The following PXK variants were observed in gnomAD, a reference collection of about 807,000 sequenced individuals.
The protein encoded by PXK is PX domain-containing protein kinase-like protein.
In PXK, 35 loss-of-function variants were observed where a neutral mutation model predicts 84.7. The ratio of observed to expected loss-of-function variants is 0.41; its 90% confidence interval spans 0.32 to 0.55. PXK has a LOEUF of 0.55. Among genes scored for constraint, PXK ranks in the 20% least tolerant of loss-of-function variants. PXK has a pLI of 0.21. For missense variants in PXK, 634 were observed against 699.7 expected (o/e 0.91, Z 1.06); for synonymous variants, 253 against 260.8 (o/e 0.97, Z 0.29).
rs1051397453 is a variant in PXK at position 58,333,670 on chromosome 3, C to T, written c.102+580C>T. 1 of 456,388 alleles carries T rather than the reference C, an allele frequency of 2.2e-6. No homozygotes were observed. The highest frequency in any genetic ancestry group is 1.5e-5 in the South Asian group (1 of 64,536). 28.3% of individuals were successfully genotyped at this position (456,388 alleles called of 1,614,324 possible). On this transcript the variant is annotated intron_variant, in intron 1 of 17. Coordinates refer to ENST00000356151, the MANE Select transcript of PXK (RefSeq NM_017771.5). The surrounding 1 kb of genome is among the most constrained non-coding windows in gnomAD (Gnocchi z 5.4). ...CCCGGGAAGTGGTGGGGGCGGCAGT[C>T]GGGGCGCTGTTAAGCAGGTGTATGA... is the stretch of plus-strand genomic sequence containing the variant.
intron 1 of PXK, among the ~76,000 whole-genome samples, chr3:58,336,063 ATATATATATTTTT>A (rs1396290183): frequency 3.3e-4 from 19 of 58,106 alleles, no homozygotes; most frequent in African/African-American, 2.0e-3. Context: ...ATATATATAT[ATATATATATTTTT>A]TTTTTTTTTT....
chr3:58,399,668 G>A lies in PXK; in HGVS notation c.1181+291G>A, dbSNP rs927658135. Among the ~76,000 whole-genome samples, 47 of 152,168 alleles carry A rather than the reference G, an allele frequency of 3.1e-4. No homozygotes were observed. The highest frequency in any genetic ancestry group is 1.1e-3 in the African/African-American group (47 of 41,516). On this transcript the variant is annotated intron_variant, in intron 12 of 17. Coordinates refer to ENST00000356151, the MANE Select transcript of PXK (RefSeq NM_017771.5). This position sits in a 1 kb window ranked among gnomAD's most constrained non-coding sequence, Gnocchi z 4.3. ...TTAGCATTGGGTGTGCGTATGTGTC[G>A]CAGCCCCCAGCTTAGGAAATACTGA...
At chr3:58,359,883 C>T (rs935511694) in intron 1 of PXK, among the ~76,000 whole-genome samples, 6 of 152,190 alleles carry the variant, frequency 3.9e-5, no homozygotes, top group Non-Finnish European at 5.9e-5. Flanking sequence ...CATGGTAGCT[C>T]ATGCCTATAA....
chr3:58,416,206 A>G lies in PXK; in HGVS notation c.1528+3243A>G, dbSNP rs962586625. ...TGTTAAGATCTTATCTTTAGTTTCT[A>G]TAGGGCAAGGGAACTTCTCTGGAGC... On this transcript the variant is annotated intron_variant, in intron 17 of 17. Coordinates refer to ENST00000356151, the MANE Select transcript of PXK (RefSeq NM_017771.5). This position sits in a 1 kb window ranked among gnomAD's most constrained non-coding sequence, Gnocchi z 4.8. Among the ~76,000 whole-genome samples the G allele has an allele frequency of 5.3e-5, 8 of 152,240 alleles. No homozygotes were observed. Among genetic ancestry groups the G allele is most frequent in the African/African-American group, 1.4e-4 (6 of 41,470 alleles).
At position 58,394,038 on chromosome 3, in the gene PXK, T is replaced by C. The variant is rs189689261; in HGVS notation, c.616-960T>C. Among the ~76,000 whole-genome samples, 16 of 152,332 alleles carry C rather than the reference T, an allele frequency of 1.1e-4. 1 individual carries two copies. The highest frequency in any genetic ancestry group is 3.8e-4 in the African/African-American group (16 of 41,574). On this transcript the variant is annotated intron_variant, in intron 7 of 17. Transcript: ENST00000356151. ...GACTTGTACAGTTTAAATGTGTGAA[T>C]AGTAATGGCATGTGAATTATATCTC...
Position 58,341,240 on chromosome 3 carries a change from G to A in PXK, c.102+8150G>A, listed in dbSNP as rs79010204. Among the ~76,000 whole-genome samples, 410 of 152,262 alleles carry A rather than the reference G, an allele frequency of 2.7e-3. 1 individual carries two copies. The highest frequency in any genetic ancestry group is 9.5e-3 in the African/African-American group (396 of 41,548). On this transcript the variant is annotated intron_variant, in intron 1 of 17. Coordinates refer to ENST00000356151, the MANE Select transcript of PXK (RefSeq NM_017771.5). ...TTGCTGACAACCACATTTAGGGTAAGTAACCATTTTTAGCTGAAGTTAAAA... is the reference window on the plus strand; with the variant it reads ...TTGCTGACAACCACATTTAGGGTAAATAACCATTTTTAGCTGAAGTTAAAA...
chr3:58,341,674 A>G (rs911472427), intron 1 of PXK, among the ~76,000 whole-genome samples: 1 of 152,140 alleles, frequency 6.6e-6, no homozygotes, highest in South Asian at 2.1e-4. Flanking sequence ...ATTCATCACC[A>G]TAATCAATCT....
Position 58,421,767 on chromosome 3 carries a change from G to A in PXK, c.1529-2985G>A. On this transcript the variant is annotated intron_variant, in intron 17 of 17. Transcript: ENST00000356151. This position sits in a 1 kb window ranked among gnomAD's most constrained non-coding sequence, Gnocchi z 5.5. ...GTTTGGTGGAGAAGATTTTGGGGTG[G>A]GTAGAGTAAGTAGTTGGCTCTCAGG... 1.0e-6 allele frequency: 1 copy of A among 985,396 alleles called. No homozygotes were observed. Among genetic ancestry groups the A allele is most frequent in the Non-Finnish European group, 1.2e-6 (1 of 829,930 alleles). The allele number at this position is 985,396 out of a possible 1,614,324, so 61.0% of individuals were successfully genotyped here.
intron 1 of PXK, among the ~76,000 whole-genome samples, chr3:58,361,228 G>A (rs137989941): frequency 8.9e-4 from 134 of 150,610 alleles, no homozygotes; most frequent in African/African-American, 3.0e-3. Context: ...CCCGGGAGGC[G>A]GAGGTTGTAG....
rs199606615 is a variant in PXK at position 58,397,229 on chromosome 3, G to A, written c.984+29G>A. ...AGTTGCTAAAGTAATGAAATAGCAG[G>A]TTCATTTTTAGGTGTCAGTTATCCC... On this transcript the variant is annotated intron_variant, in intron 10 of 17. Coordinates refer to ENST00000356151, the MANE Select transcript of PXK (RefSeq NM_017771.5). This position sits in a 1 kb window ranked among gnomAD's most constrained non-coding sequence, Gnocchi z 4.7. 4 of 1,605,618 alleles carry A rather than the reference G, an allele frequency of 2.5e-6. No homozygotes were observed. Among genetic ancestry groups the A allele is most frequent in the Non-Finnish European group, 3.4e-6 (4 of 1,173,124 alleles).
intron 12 of PXK, among the ~76,000 whole-genome samples, chr3:58,402,290 A>C (rs1043645488): frequency 8.5e-6 from 1 of 117,626 alleles, no homozygotes; most frequent in African/African-American, 3.2e-5. Context: ...TCTTTTTGAG[A>C]GTCTTGCTAT....
At position 58,383,586 on chromosome 3, in the gene PXK, G is replaced by A. The variant is rs748907985; in HGVS notation, c.388+886G>A. 6.4e-4 allele frequency among the ~76,000 whole-genome samples: 97 copies of A among 152,134 alleles called. 1 individual carries two copies. The highest frequency in any genetic ancestry group is 1.1e-3 in the Non-Finnish European group (77 of 68,036). ...AAATCTTTCCTGGATCAGGGCAGCC[G>A]CCAAGGTACTGTGGTTGAAAGGGCT... On this transcript the variant is annotated intron_variant, in intron 4 of 17. Transcript: ENST00000356151. This position sits in a 1 kb window ranked among gnomAD's most constrained non-coding sequence, Gnocchi z 4.0.
At position 58,390,389 on chromosome 3, in the gene PXK, A is replaced by C. The variant is rs186897832; in HGVS notation, c.389-193A>C. Reference sequence around the variant, plus strand: ...TCTGCTAGTGTACTTTTTCTATTCCAGGGTCCAATCTAAAATCCCACATTG... The same window carrying C: ...TCTGCTAGTGTACTTTTTCTATTCCCGGGTCCAATCTAAAATCCCACATTG... On this transcript the variant is annotated intron_variant, in intron 4 of 17. Transcript: ENST00000356151. The surrounding 1 kb of genome is among the most constrained non-coding windows in gnomAD (Gnocchi z 4.2). 9.3e-4 allele frequency among the ~76,000 whole-genome samples: 142 copies of C among 152,080 alleles called. 1 individual carries two copies. Among genetic ancestry groups the C allele is most frequent in the Non-Finnish European group, 3.1e-4 (21 of 67,982 alleles).
chr3:58,405,027 T>A (rs1476234876), intron 13 of PXK, among the ~76,000 whole-genome samples: 7 of 152,250 alleles, frequency 4.6e-5, no homozygotes, highest in Non-Finnish European at 1.0e-4. Context: ...CCTGACAGTC[T>A]GGCCTTTAGG....
At chr3:58,394,235 C>T (rs1247150777) in intron 7 of PXK, among the ~76,000 whole-genome samples, 3 of 152,190 alleles carry the variant, frequency 2.0e-5, no homozygotes, top group Admixed American at 2.0e-4. Flanking sequence ...TTTCATGATA[C>T]TCCTTTGAGC....
intron 5 of PXK, 139 bp from the exon 6 acceptor site, chr3:58,391,008 C>G: frequency 3.2e-6 from 2 of 630,340 alleles, no homozygotes; most frequent in Non-Finnish European, 5.6e-6. Context: ...CCAACGTTAT[C>G]AAATGGTTCT....
Position 58,424,882 on chromosome 3 carries a change from C to G in PXK, c.1659C>G (p.Leu553=). The G allele has an allele frequency of 6.2e-7, 1 of 1,614,254 alleles. No homozygotes were observed. Among genetic ancestry groups the G allele is most frequent in the African/African-American group, 1.3e-5 (1 of 75,076 alleles). Residue 553 remains leucine, a synonymous_variant, in exon 18 of 18, where the codon CTC becomes CTG. Transcript: ENST00000356151. ...AVNGMSRGAL[L]SSIQNFQKGT... is the part of the protein sequence containing the mutation. ...ATGGCATGAGCCGAGGGGCCTTGCTCAGCTCCATCCAGAATTTCCAAAAAG... is the reference window on the plus strand; with the variant it reads ...ATGGCATGAGCCGAGGGGCCTTGCTGAGCTCCATCCAGAATTTCCAAAAAG...
intron 4 of PXK, among the ~76,000 whole-genome samples, chr3:58,389,930 T>C (rs1460959185): frequency 2.4e-5 from 3 of 123,284 alleles, no homozygotes; most frequent in African/African-American, 3.2e-5. Flanking sequence ...ACCCAGGAGG[T>C]GGAGGTTGCG....
intron 1 of PXK, among the ~76,000 whole-genome samples, chr3:58,340,270 G>A (rs57968175): frequency 0.3 from 44,559 of 150,896 alleles, 6,679 homozygotes; most frequent in African/African-American, 0.35. Context: ...CTACAGACAC[G>A]CATCACAATA....
Sources: gnomAD v4.1 joint callset for allele counts (sites outside exome capture counted in the v4.1 genomes callset) on GRCh38, gnomAD v4.1.1 for gene constraint, Gnocchi (gnomAD v3.1) non-coding constraint, MANE v1.5 for transcripts, NCBI Gene and HGNC (gene_info 2026-07-23, HGNC 2026-07-21) for gene names.